The following LIPA variants were observed in gnomAD, a reference collection of about 807,000 sequenced individuals.
The protein encoded by LIPA is lipase A, lysosomal acid type.
Under a neutral mutation model 40.6 loss-of-function variants are expected in LIPA, and 26 were observed. The ratio of observed to expected loss-of-function variants is 0.64; its 90% CI spans 0.47 to 0.89. The LOEUF (loss-of-function observed/expected upper bound fraction) is 0.89. Among genes scored for constraint, LIPA ranks in the 40% least tolerant of loss-of-function variants. The pLI is 0.00. For missense variants in LIPA, 455 were observed against 479.6 expected, an observed-to-expected ratio of 0.95 and a Z score of 0.48; for synonymous variants, 188 against 168.4, an observed-to-expected ratio of 1.12 and a Z score of -0.90.
chr10:89,295,680 T>G (rs1188660961), intron 1 of LIPA, among the ~76,000 whole-genome samples: 3 of 152,352 alleles, frequency 2.0e-5, no homozygotes, highest in African/African-American at 7.2e-5. Flanking sequence ...AAATCTATAT[T>G]CTATATAAAT....
intron 1 of LIPA, among the ~76,000 whole-genome samples, chr10:89,334,518 C>T (rs112219615): frequency 0.11 from 3,911 of 36,316 alleles, 281 homozygotes; most frequent in African/African-American, 0.32. Context: ...TTTTTTGAGA[C>T]GGAGTTTTGC....
chr10:89,315,969 G>T (rs1026579140), intron 1 of LIPA, among the ~76,000 whole-genome samples: 1 of 152,094 alleles, frequency 6.6e-6, no homozygotes, highest in Admixed American at 6.6e-5. Flanking sequence ...CATTGTGCAG[G>T]TTAGTTACAT....
intron 1 of LIPA, among the ~76,000 whole-genome samples, chr10:89,301,093 A>G (rs1044250243): frequency 2.0e-5 from 3 of 152,242 alleles, no homozygotes; most frequent in African/African-American, 7.2e-5. Flanking sequence ...CATCCTCCCA[A>G]CACCACAATA....
At chr10:89,295,553 G>T (rs1208806420) in intron 1 of LIPA, among the ~76,000 whole-genome samples, 1 of 152,102 alleles carries the variant, frequency 6.6e-6, no homozygotes, top group Non-Finnish European at 1.5e-5. Context: ...GTCTAGAATG[G>T]GGCCTAAGAA....
At chr10:89,225,946 G>C (rs769128376) in intron 5 of LIPA, among the ~76,000 whole-genome samples, 2 of 152,070 alleles carry the variant, frequency 1.3e-5, no homozygotes, top group Non-Finnish European at 2.9e-5. Flanking sequence ...CGTCATTATT[G>C]TAAGGCCTCC....
chr10:89,359,904 G>A (rs1012411823), intron 2 of LIPA, among the ~76,000 whole-genome samples: 6 of 151,580 alleles, frequency 4.0e-5, no homozygotes, highest in African/African-American at 1.5e-4. Flanking sequence ...TCTATGTTCT[G>A]CTTGGTAATT....
chr10:89,281,136 C>T (rs1360328043), intron 1 of LIPA, among the ~76,000 whole-genome samples: 2 of 152,230 alleles, frequency 1.3e-5, no homozygotes, highest in Admixed American at 6.5e-5. Flanking sequence ...CCCTCCTTGA[C>T]CAAACTTTAG....
rs530684972 is a variant in LIPA, at chr10:89,360,641, G to A, written c.61+52150C>T. ...ACTCCCAACCTCAGGTGATCCACCC[G>A]CCTCGGCCTCCCAAGGCATGAGCCA... On this transcript the variant is annotated intron_variant, in intron 2 of 8. Transcript: ENST00000371837. Among the ~76,000 whole-genome samples the A allele has an allele frequency of 4.9e-4, 74 of 152,272 alleles. 1 individual carries two copies. The South Asian group carries it at 0.014, about 29-fold the overall frequency.
chr10:89,339,475 A>G, intron 1 of LIPA: 1 of 1,614,072 alleles, frequency 6.2e-7, no homozygotes, highest in Non-Finnish European at 8.5e-7. Context: ...CACACCAAAC[A>G]ATGGCTACCT....
At chr10:89,269,122 C>T (rs565892963) in intron 1 of LIPA, among the ~76,000 whole-genome samples, 37 of 151,216 alleles carry the variant, frequency 2.4e-4, no homozygotes, top group Non-Finnish European at 4.6e-4. Flanking sequence ...GTCAAAAGAT[C>T]GAGACCATCA....
At chr10:89,267,930 G>C (rs923036947) in intron 1 of LIPA, among the ~76,000 whole-genome samples, 2 of 152,082 alleles carry the variant, frequency 1.3e-5, no homozygotes, top group Non-Finnish European at 2.9e-5. Context: ...AATGGAAAGT[G>C]GAACTCAGGG....
chr10:89,373,053 G>A (rs1194797791), intron 2 of LIPA, among the ~76,000 whole-genome samples: 1 of 150,912 alleles, frequency 6.6e-6, no homozygotes, highest in East Asian at 2.0e-4. Context: ...AACACGTGGG[G>A]CCGGACGCGG....
chr10:89,241,865 T>C (rs1227048081), intron 3 of LIPA, among the ~76,000 whole-genome samples: 3 of 152,212 alleles, frequency 2.0e-5, no homozygotes, highest in Non-Finnish European at 2.9e-5. Context: ...ATATTTATTA[T>C]GTAAGGCCAC....
intron 2 of LIPA, chr10:89,383,613 C>A: frequency 1.2e-6 from 2 of 1,614,228 alleles, no homozygotes; most frequent in Non-Finnish European, 1.7e-6. Flanking sequence ...CCTGGGGCAA[C>A]TTTGCCTGGG....
intron 1 of LIPA, chr10:89,308,666 G>C (rs946329229): frequency 1.3e-5 from 2 of 152,102 alleles, no homozygotes; most frequent in East Asian, 3.8e-4. Context: ...GCCACACTCT[G>C]GGTTGGAAAA....
intron 2 of LIPA, chr10:89,393,259 C>T: frequency 7.8e-7 from 1 of 1,289,786 alleles, no homozygotes; most frequent in Non-Finnish European, 1.0e-6. Context: ...TTCTGCACTG[C>T]TGGCCTCTTA....
chr10:89,395,567 T>C (rs1232393621), intron 2 of LIPA, among the ~76,000 whole-genome samples: 8 of 152,156 alleles, frequency 5.3e-5, no homozygotes, highest in Admixed American at 5.2e-4. Flanking sequence ...AGAGTGGCTG[T>C]CTCAGTAGAA....
intron 1 of LIPA, among the ~76,000 whole-genome samples, chr10:89,304,872 C>T (rs1433285951): frequency 6.6e-6 from 1 of 151,692 alleles, no homozygotes; most frequent in Non-Finnish European, 1.5e-5. Flanking sequence ...CATAAGGGTA[C>T]CCTAAAGAAA....
At chr10:89,324,740 T>A (rs1398021135) in intron 1 of LIPA, among the ~76,000 whole-genome samples, 2 of 152,168 alleles carry the variant, frequency 1.3e-5, no homozygotes, top group Admixed American at 6.5e-5. Context: ...AAAGAAGACA[T>A]GCATGCGGCC....
Sources: gnomAD v4.1 joint callset for allele counts (sites outside exome capture counted in the v4.1 genomes callset) on GRCh38, gnomAD v4.1.1 for gene constraint, MANE v1.5 for transcripts, NCBI Gene and HGNC (gene_info 2026-07-23, HGNC 2026-07-21) for gene names.